Variants in TONSL observed in about 807,000 individuals in gnomAD.
The protein encoded by TONSL is tonsoku-like protein.
In TONSL, 112 loss-of-function variants were observed where a neutral mutation model predicts 147.1. The ratio of observed to expected loss-of-function variants is 0.76; its 90% CI spans 0.65 to 0.89. TONSL has a LOEUF of 0.89. TONSL is among the 40% of genes least tolerant of loss of function. The probability of loss-of-function intolerance (pLI) is 0.00; values close to 1 mark genes in which losing one functional copy is unlikely to be tolerated. For missense variants in TONSL, 1,883 were observed against 1,864.6 expected, an observed-to-expected ratio of 1.01 and a Z score of -0.18; for synonymous variants, 868 against 801.5, an observed-to-expected ratio of 1.08 and a Z score of -1.40.
intron 25 of TONSL, 137 bp from the exon 26 acceptor site, chr8:144,429,473 GA>G (rs1823081883): frequency 1.3e-6 from 1 of 755,486 alleles, no homozygotes; most frequent in East Asian, 3.4e-5. Flanking sequence ...CAGAGCTCCG[GA>G]GAGGCCCCAT....
In TONSL at chr8:144,440,021, C is replaced by G; in HGVS notation, c.1480G>C (p.Glu494Gln). 1 of 1,186,256 alleles carries G rather than the reference C, an allele frequency of 8.4e-7. No homozygotes were observed. The highest frequency in any genetic ancestry group is 1.2e-5 in the South Asian group (1 of 82,512). 73.5% of individuals were successfully genotyped at this position (1,186,256 alleles called of 1,614,324 possible). Residue 494 changes from glutamate (E) to glutamine (Q), a missense_variant and splice_region_variant, in exon 11 of 26, where the codon GAG becomes CAG. By Grantham distance (29) the Glu-to-Gln change is conservative (BLOSUM62 2). Coordinates refer to ENST00000409379, the MANE Select transcript of TONSL (RefSeq NM_013432.5). Reference sequence around the variant, plus strand: ...AATGCAAGGTGCCGCTGGCCCTCACCGCCCTCTGAGAGCTCCACCTCGCCG... The same window carrying G: ...AATGCAAGGTGCCGCTGGCCCTCACGGCCCTCTGAGAGCTCCACCTCGCCG... ...EAGEVELSEGEDDTDGLTPQL... is the reference protein window; with the variant it reads ...EAGEVELSEGQDDTDGLTPQL...
chr8:144,440,221 G>A lies in TONSL; in HGVS notation c.1291-11C>T, dbSNP rs1460544412. 6 of 1,586,922 alleles carry A rather than the reference G, an allele frequency of 3.8e-6. No homozygotes were observed. The African/African-American group carries it at 8.1e-5, about 21-fold the overall frequency. On this transcript the variant is annotated splice_polypyrimidine_tract_variant and intron_variant, in intron 10 of 25. Transcript: ENST00000409379. ...CTGCAAGACCTGCCTCTGAGGAGCA[G>A]AGGGATGCTCAGCTCAGGACTGGGG...
At chr8:144,444,141 C>T in intron 2 of TONSL, 39 bp downstream of exon 2, 1 of 1,368,008 alleles carries the variant, frequency 7.3e-7, no homozygotes, top group Non-Finnish European at 9.4e-7. Context: ...CGGGCCCGGG[C>T]CCCGGCCCTG....
At position 144,428,779 on chromosome 8, in the gene TONSL, C is replaced by G; in HGVS notation, c.*364G>C. The G allele has an allele frequency of 6.4e-6, 1 of 156,506 alleles. No individual in the cohort carries two copies. Among genetic ancestry groups the G allele is most frequent in the East Asian group, 1.7e-4 (1 of 5,734 alleles). 9.7% of individuals were successfully genotyped at this position (156,506 alleles called of 1,614,324 possible). On this transcript the variant is annotated 3_prime_UTR_variant, in exon 26 of 26. Coordinates refer to ENST00000409379, the MANE Select transcript of TONSL (RefSeq NM_013432.5). ...GCAGCCACGGGGAGGGAGGCAGCAG[C>G]TTCATTTATTTTATTTTTTTTTTTT...
chr8:144,435,065 C>G lies in TONSL; in HGVS notation c.2958G>C (p.Leu986=). Residue 986 remains leucine, a synonymous_variant, in exon 19 of 26, where the codon CTG becomes CTC. Transcript: ENST00000409379. The part of the protein sequence containing the change: ...PRLTLRKEGA[L]LAPQDLIPDV... The stretch of plus-strand genomic sequence containing the variant: ...CAGGGATGAGGTCCTGTGGGGCCAG[C>G]AGGGCCCCCTCTTTCCGTAGGGTGA... The G allele has an allele frequency of 1.5e-5, 24 of 1,611,374 alleles. No homozygotes were observed. The highest frequency in any genetic ancestry group is 2.0e-5 in the Non-Finnish European group (24 of 1,179,224).
chr8:144,436,040 CCCCGGATGGCTG>C lies in TONSL; in HGVS notation c.2381_2392del (p.Ala794_Arg797del), dbSNP rs758754712. ...CAGCCGGCTCTGAGCACTGCCCACACCCCGGATGGCTGCCTGGTAGGCTGCCCGGCTGGTGCT... is the reference window on the plus strand; with the variant it reads ...CAGCCGGCTCTGAGCACTGCCCACACCCTGGTAGGCTGCCCGGCTGGTGCT... On this transcript the variant is annotated inframe_deletion, in exon 17 of 26. Coordinates refer to ENST00000409379, the MANE Select transcript of TONSL (RefSeq NM_013432.5). The C allele has an allele frequency of 6.4e-7, 1 of 1,573,312 alleles. No individual in the cohort carries two copies. Among genetic ancestry groups the C allele is most frequent in the South Asian group, 1.1e-5 (1 of 88,210 alleles).
chr8:144,433,737 C>T lies in TONSL; in HGVS notation c.3410G>A (p.Ser1137Asn). 1.9e-6 allele frequency: 3 copies of T among 1,593,256 alleles called. No homozygotes were observed. The highest frequency in any genetic ancestry group is 2.6e-6 in the Non-Finnish European group (3 of 1,170,666). The change falls in exon 22 of 26, where the codon AGC (serine) becomes AAC (asparagine). Residue 1137 changes from serine to asparagine, a missense_variant. By Grantham distance (46) the Ser-to-Asn change is conservative. Transcript: ENST00000409379. ...ACAGCCGTCCCCCAGGGGGTTCATG[C>T]TTAAGTCCAGCTCCTCCAAACTCTG... ...TLQSLEELDL[S>N]MNPLGDGCGQ...
chr8:144,434,988 C>A (rs1485036593), intron 19 of TONSL, 29 bp downstream of exon 19: 1 of 1,611,780 alleles, frequency 6.2e-7, no homozygotes, highest in Non-Finnish European at 8.5e-7. Flanking sequence ...TGCCTGAGGC[C>A]CTGGCTCCCC....
At chr8:144,436,970 ACT>A in intron 14 of TONSL, 50 bp from the exon 15 acceptor site, 1 of 1,612,510 alleles carries the variant, frequency 6.2e-7, no homozygotes. Flanking sequence ...GCCAGGACTG[ACT>A]CTTCGCCCCA....
At chr8:144,434,513 C>A (rs1554879439) in intron 20 of TONSL, among the ~76,000 whole-genome samples, 1 of 152,154 alleles carries the variant, frequency 6.6e-6, no homozygotes, top group East Asian at 1.9e-4. Flanking sequence ...CCCCCCGGGA[C>A]AAGCTTTCTG....
Position 144,442,140 on chromosome 8 carries a change from G to A in TONSL, c.762C>T (p.Asp254=), listed in dbSNP as rs771319095. 1 of 1,612,044 alleles carries A rather than the reference G, an allele frequency of 6.2e-7. No homozygotes were observed. The highest frequency in any genetic ancestry group is 8.5e-7 in the Non-Finnish European group (1 of 1,179,506). The change falls in exon 7 of 26, where the codon GAC becomes GAT. Residue 254 remains aspartate (D), a synonymous_variant. Coordinates refer to ENST00000409379, the MANE Select transcript of TONSL (RefSeq NM_013432.5). The stretch of plus-strand genomic sequence containing the variant: ...GCTTGGCAGCCAAAAAGTCTCCCAG[G>A]TCTTGGAGGACCTGGAGAGCAAAGG... The part of the protein sequence containing the change: ...CCVVIAQVLQ[D]LGDFLAAKRA...
chr8:144,440,064 C>T lies in TONSL; in HGVS notation c.1437G>A (p.Glu479=). 6.4e-7 allele frequency: 1 copy of T among 1,573,710 alleles called. No homozygotes were observed. Among genetic ancestry groups the T allele is most frequent in the Non-Finnish European group, 8.7e-7 (1 of 1,145,016 alleles). The change falls in exon 11 of 26, where the codon GAG becomes GAA. Residue 479 remains glutamate (E), a synonymous_variant. Coordinates refer to ENST00000409379, the MANE Select transcript of TONSL (RefSeq NM_013432.5). ...CCTCGCCGGCCTCCAGGGCTTCGCT[C>T]TCCGCTGTGGCTGCCGCCTCCTCCG... ...EEAEEAAATA[E]SEALEAGEVE... is the part of the protein sequence containing the mutation.
At position 144,435,743 on chromosome 8, in the gene TONSL, C is replaced by A; in HGVS notation, c.2690G>T (p.Ser897Ile). 1 of 1,612,854 alleles carries A rather than the reference C, an allele frequency of 6.2e-7. No homozygotes were observed. Among genetic ancestry groups the A allele is most frequent in the South Asian group, 1.1e-5 (1 of 91,088 alleles). Reference sequence around the variant, plus strand: ...GCTCCCTGGAGGTTCTGAAGCCAGGCTGCTGGGCCCTGCGTTAACTGGCGC... The same window carrying A: ...GCTCCCTGGAGGTTCTGAAGCCAGGATGCTGGGCCCTGCGTTAACTGGCGC... ...CSAPVNAGPS[S>I]LASEPPGSPS... Residue 897 changes from serine to isoleucine, a missense_variant, in exon 17 of 26, where the codon AGC becomes ATC. Transcript: ENST00000409379.
Position 144,441,074 on chromosome 8 carries a change from C to T in TONSL, c.903G>A (p.Glu301=), listed in dbSNP as rs1823698281. 2 of 1,612,762 alleles carry T rather than the reference C, an allele frequency of 1.2e-6. No homozygotes were observed. Among genetic ancestry groups the T allele is most frequent in the African/African-American group, 2.7e-5 (2 of 74,928 alleles). Reference sequence around the variant, plus strand: ...CACCCTGAGGGTCTCTGCCCTCAGCCTCTTCCAGCTGTTGCTGCAGCCGGA... The same window carrying T: ...CACCCTGAGGGTCTCTGCCCTCAGCTTCTTCCAGCTGTTGCTGCAGCCGGA... ...AVVRLQQQLE[E]AEGRDPQGAM... Residue 301 remains glutamate, a synonymous_variant, in exon 8 of 26, where the codon GAG becomes GAA. Transcript: ENST00000409379.
At position 144,443,299 on chromosome 8, in the gene TONSL, A is replaced by G; in HGVS notation, c.287T>C (p.Leu96Pro). The change falls in exon 4 of 26, where the codon CTG becomes CCG. Residue 96 changes from leucine to proline, a missense_variant. Leu to Pro is a moderately conservative substitution (Grantham distance 98). Transcript: ENST00000409379. ...CGTGTGGTTGCGCAGGGAATGTGCC[A>G]GCTCCAGGTACTGGTGCTGGTGCTG... ...ALQHQHQYLE[L>P]AHSLRNHTEL... 6.4e-7 allele frequency: 1 copy of G among 1,550,446 alleles called. No individual in the cohort carries two copies. Among genetic ancestry groups the G allele is most frequent in the Non-Finnish European group, 8.7e-7 (1 of 1,146,760 alleles).
chr8:144,442,565 T>A lies in TONSL; in HGVS notation c.578+112A>T, dbSNP rs1318489579. The A allele has an allele frequency of 2.0e-6, 3 of 1,505,556 alleles. No individual in the cohort carries two copies. The African/African-American group carries it at 4.2e-5, about 21-fold the overall frequency. 93.3% of individuals were successfully genotyped at this position (1,505,556 alleles called of 1,614,324 possible). On this transcript the variant is annotated intron_variant, in intron 5 of 25. Coordinates refer to ENST00000409379, the MANE Select transcript of TONSL (RefSeq NM_013432.5). ...GGCACAGGTGTGAGAGGTGGGGGGA[T>A]GAGGCCCAGCCAGACTGCTCTCTCA...
At chr8:144,439,769 T>C (rs976497117) in intron 11 of TONSL, 15 of 526,662 alleles carry the variant, frequency 2.8e-5, no homozygotes, top group Non-Finnish European at 4.3e-5. Context: ...CACGTGCCTC[T>C]CTAACGGGAC....
intron 20 of TONSL, 41 bp from the exon 21 acceptor site, chr8:144,434,320 T>G: frequency 6.9e-7 from 1 of 1,456,982 alleles, no homozygotes; most frequent in Non-Finnish European, 9.1e-7. Flanking sequence ...AGGCCGGCCC[T>G]TTCTGCCCTC....
At position 144,443,123 on chromosome 8, in the gene TONSL, G is replaced by A. The variant is rs1823782981; in HGVS notation, c.448+15C>T. 8 of 1,545,746 alleles carry A rather than the reference G, an allele frequency of 5.2e-6. No homozygotes were observed. In the East Asian group the frequency reaches 2.0e-4, roughly 38 times the overall value. On this transcript the variant is annotated intron_variant, in intron 4 of 25. Coordinates refer to ENST00000409379, the MANE Select transcript of TONSL (RefSeq NM_013432.5). The stretch of plus-strand genomic sequence containing the variant: ...CGAAGTTCAGGAGGCAGAAAACGCG[G>A]AGGGGTCTGCCCACCCTCCAGCTCC...
Sources: allele counts gnomAD v4.1 joint callset (sites outside exome capture counted in the v4.1 genomes callset), GRCh38; gene constraint gnomAD v4.1.1; transcripts MANE v1.5; gene names NCBI Gene and HGNC (gene_info 2026-07-23, HGNC 2026-07-21).